The following RBFOX1 variants were observed in gnomAD, a reference collection of about 807,000 sequenced individuals.
RBFOX1 encodes RNA binding protein fox-1 homolog 1.
RBFOX1 carries 8 observed loss-of-function variants against 57.7 expected under a neutral mutation model. That is an observed-to-expected ratio of 0.14 (90% confidence interval 0.08 to 0.25). The LOEUF (loss-of-function observed/expected upper bound fraction) is 0.25. Ranked by LOEUF, RBFOX1 falls within the 10% of genes least tolerant of loss-of-function variation. The pLI is 1.00. For missense variants in RBFOX1, 611 were observed against 548.5 expected, an observed-to-expected ratio of 1.11 and a Z score of -1.14; for synonymous variants, 326 against 222.4, an observed-to-expected ratio of 1.47 and a Z score of -4.15.
In RBFOX1 at chr16:5,558,570, A is replaced by G. The variant is rs140632523; in HGVS notation, c.259-40332A>G. 9.0e-3 allele frequency among the ~76,000 whole-genome samples: 1,366 copies of G among 152,254 alleles called. 10 individuals carry two copies. Among genetic ancestry groups the G allele is most frequent in the Non-Finnish European group, 0.015 (1,022 of 68,016 alleles). On this transcript the variant is annotated intron_variant, in intron 2 of 2. Coordinates refer to the RBFOX1 transcript ENST00000585867. ...CTTACAAAGGCCTGGTACAAAGTAGATAATCTGAATTGGTCCCTTTCCTTT... is the reference window on the plus strand; with the variant it reads ...CTTACAAAGGCCTGGTACAAAGTAGGTAATCTGAATTGGTCCCTTTCCTTT...
chr16:6,431,217 G>A (rs1308231175), intron 2 of RBFOX1, among the ~76,000 whole-genome samples: 1 of 152,018 alleles, frequency 6.6e-6, no homozygotes, highest in African/African-American at 2.4e-5. Context: ...AGGGGTAATG[G>A]GTTTAGGAGA....
intron 2 of RBFOX1, among the ~76,000 whole-genome samples, chr16:6,609,616 C>A (rs2098009901): frequency 6.6e-6 from 1 of 152,062 alleles, no homozygotes; most frequent in South Asian, 2.1e-4. Flanking sequence ...TTGTTTATTT[C>A]TTTACTGGAT....
At chr16:5,613,562 T>G (rs1200344489) in intron 3 of RBFOX1, among the ~76,000 whole-genome samples, 1 of 152,132 alleles carries the variant, frequency 6.6e-6, no homozygotes, top group Non-Finnish European at 1.5e-5. Context: ...TCCTTTCTCA[T>G]TATCTGTGAG....
chr16:6,992,977 A>T (rs2091741553), intron 3 of RBFOX1, among the ~76,000 whole-genome samples: 2 of 152,138 alleles, frequency 1.3e-5, no homozygotes. Flanking sequence ...TTTGCTTTAA[A>T]CATAAAGCCG....
intron 3 of RBFOX1, among the ~76,000 whole-genome samples, chr16:6,858,948 G>A (rs11643618): frequency 0.21 from 31,855 of 150,924 alleles, 4,226 homozygotes; most frequent in Admixed American, 0.35. Flanking sequence ...TATTTTCACT[G>A]TCAATCAAAG....
chr16:6,700,354 A>G (rs1046424453), intron 3 of RBFOX1, among the ~76,000 whole-genome samples: 16 of 101,754 alleles, frequency 1.6e-4, no homozygotes, highest in Admixed American at 3.2e-4. Flanking sequence ...GGCAAGGTTA[A>G]AACAAAAAAA....
intron 1 of RBFOX1, among the ~76,000 whole-genome samples, chr16:5,269,070 A>G (rs1030296768): frequency 1.6e-4 from 25 of 152,158 alleles, no homozygotes; most frequent in African/African-American, 5.6e-4. Context: ...ACCTGCCACC[A>G]TGCCTGGCTA....
At chr16:6,193,377 CATTATATATATATACTATATATA>C (rs2097155850) in intron 1 of RBFOX1, among the ~76,000 whole-genome samples, 1 of 56,456 alleles carries the variant, frequency 1.8e-5, no homozygotes, top group African/African-American at 6.6e-5. Context: ...TATATATATA[CATTATATATATATACTATATATA>C]TATATATATA....
At chr16:6,351,364 A>AT (rs1321996574) in intron 2 of RBFOX1, among the ~76,000 whole-genome samples, 5 of 96,692 alleles carry the variant, frequency 5.2e-5, no homozygotes, top group African/African-American at 2.2e-4. Flanking sequence ...ATATATATAT[A>AT]TATATATATT....
At chr16:7,054,030 T>C (rs1293589417) in intron 4 of RBFOX1, among the ~76,000 whole-genome samples, 1 of 151,754 alleles carries the variant, frequency 6.6e-6, no homozygotes, top group African/African-American at 2.4e-5. Flanking sequence ...CCTAGTGTGA[T>C]TAAGTACTGG....
intron 2 of RBFOX1, among the ~76,000 whole-genome samples, chr16:5,593,649 A>T (rs2047084493): frequency 1.3e-5 from 2 of 152,164 alleles, no homozygotes; most frequent in African/African-American, 4.8e-5. Context: ...CGATGTCAGG[A>T]AGTTACCGTA....
At position 6,065,237 on chromosome 16, in the gene RBFOX1, G is replaced by A. The variant is rs2095745578; in HGVS notation, c.-127+45245G>A. On this transcript the variant is annotated intron_variant, in intron 1 of 15. Coordinates refer to ENST00000550418, the MANE Select transcript of RBFOX1 (RefSeq NM_018723.4). ...TTCTGTAGAGACAGGATCTTGCTGT[G>A]TTGCCACGGCTGGTCTCAAACTCCT... Among the ~76,000 whole-genome samples the A allele has an allele frequency of 1.4e-5, 2 of 142,976 alleles. 1 individual carries two copies. Among genetic ancestry groups the A allele is most frequent in the South Asian group, 4.5e-4 (2 of 4,440 alleles). 93.8% of individuals were successfully genotyped at this position (142,976 alleles called of 152,430 possible).
intron 3 of RBFOX1, among the ~76,000 whole-genome samples, chr16:5,766,153 T>C (rs914227532): frequency 6.6e-6 from 1 of 152,170 alleles, no homozygotes; most frequent in Non-Finnish European, 1.5e-5. Flanking sequence ...TAGATATTCA[T>C]GGTATTCCAG....
intron 2 of RBFOX1, among the ~76,000 whole-genome samples, chr16:6,346,110 G>A (rs1263481376): frequency 6.6e-6 from 1 of 152,092 alleles, no homozygotes; most frequent in Non-Finnish European, 1.5e-5. Flanking sequence ...AGGCAGGTTG[G>A]CCCTAAGCAT....
intron 4 of RBFOX1, among the ~76,000 whole-genome samples, chr16:7,112,684 G>GT (rs778866049): frequency 5.4e-5 from 8 of 149,200 alleles, no homozygotes; most frequent in Middle Eastern, 6.9e-3. Flanking sequence ...GTGTGGGTGT[G>GT]GGTGTGTCTC....
chr16:7,398,415 A>G lies in RBFOX1; in HGVS notation c.28-119732A>G, dbSNP rs140400008. Among the ~76,000 whole-genome samples, 219 of 152,356 alleles carry G rather than the reference A, an allele frequency of 1.4e-3. 1 individual carries two copies. The highest frequency in any genetic ancestry group is 6.2e-3 in the South Asian group (30 of 4,816). On this transcript the variant is annotated intron_variant, in intron 4 of 15. Coordinates refer to ENST00000550418, the MANE Select transcript of RBFOX1 (RefSeq NM_018723.4). Reference sequence around the variant, plus strand: ...AAGATGTAAGATTTTGTTAATGTCTACAGTGTTAAAGAATCTCAATATATG... The same window carrying G: ...AAGATGTAAGATTTTGTTAATGTCTGCAGTGTTAAAGAATCTCAATATATG...
At chr16:6,980,763 G>A (rs1844989) in intron 3 of RBFOX1, among the ~76,000 whole-genome samples, 1 of 152,044 alleles carries the variant, frequency 6.6e-6, no homozygotes, top group African/African-American at 2.4e-5. Flanking sequence ...CAGGAATGGA[G>A]CAGGTACAGT....
In RBFOX1 at chr16:6,914,700, C is replaced by T. The variant is rs920528588; in HGVS notation, c.-15-137357C>T. ...ATCAGCCTGGCCAACATAGCAAGAT[C>T]CCATCTGTACCAATAAGCTGAAAAT... On this transcript the variant is annotated intron_variant, in intron 3 of 15. Transcript: ENST00000550418. 2.0e-5 allele frequency among the ~76,000 whole-genome samples: 3 copies of T among 152,158 alleles called. No homozygotes were observed. In the South Asian group the frequency reaches 6.2e-4, roughly 32 times the overall value.
Position 7,391,269 on chromosome 16 carries a change from A to G in RBFOX1, c.28-126878A>G, listed in dbSNP as rs144637938. Reference sequence around the variant, plus strand: ...TCTCTTTTTAGAATAGCATTTGCTGATGTCCCTCTAAGAGAGTTTTTGGGC... The same window carrying G: ...TCTCTTTTTAGAATAGCATTTGCTGGTGTCCCTCTAAGAGAGTTTTTGGGC... On this transcript the variant is annotated intron_variant, in intron 4 of 15. Coordinates refer to ENST00000550418, the MANE Select transcript of RBFOX1 (RefSeq NM_018723.4). Among the ~76,000 whole-genome samples, 1,470 of 152,294 alleles carry G rather than the reference A, an allele frequency of 9.7e-3. 15 individuals are homozygous for G. The highest frequency in any genetic ancestry group is 0.044 in the Middle Eastern group (13 of 294).
Sources: gnomAD v4.1 joint callset for allele counts (sites outside exome capture counted in the v4.1 genomes callset) on GRCh38, gnomAD v4.1.1 for gene constraint, MANE v1.5 for transcripts, NCBI Gene and HGNC (gene_info 2026-07-23, HGNC 2026-07-21) for gene names.